Variants in CDCA5 observed in about 807,000 individuals in gnomAD.
The protein encoded by CDCA5 is cell division cycle associated 5.
Under a neutral mutation model 25.7 loss-of-function variants are expected in CDCA5, and 14 were observed. The observed-to-expected ratio is 0.54, with a 90% CI of 0.36 to 0.85. The LOEUF (loss-of-function observed/expected upper bound fraction) is 0.85. CDCA5 is among the 40% of genes least tolerant of loss of function. The pLI is 0.01. For missense variants in CDCA5, 307 were observed against 324.5 expected (o/e 0.95, Z 0.41); for synonymous variants, 127 against 128.7 (o/e 0.99, Z 0.09).
At chr11:65,079,981 C>A (rs1182051437) in intron 4 of CDCA5, among the ~76,000 whole-genome samples, 194 bp from the exon 5 acceptor site, 1 of 151,758 alleles carries the variant, frequency 6.6e-6, no homozygotes, top group South Asian at 2.1e-4. Flanking sequence ...AGCTCCGCCT[C>A]CCGGGTTCAC....
intron 4 of CDCA5, among the ~76,000 whole-genome samples, chr11:65,080,438 G>A (rs537822783): frequency 2.1e-4 from 32 of 152,048 alleles, no homozygotes; most frequent in Admixed American, 2.1e-3. Flanking sequence ...CCAGATAAAC[G>A]GTCTCAACTC....
chr11:65,081,113 A>T (rs1381093198), intron 4 of CDCA5, among the ~76,000 whole-genome samples: 6 of 152,132 alleles, frequency 3.9e-5, no homozygotes, highest in African/African-American at 1.2e-4. Flanking sequence ...AGAGGAAGAA[A>T]CTGAAGATGA....
In CDCA5 at chr11:65,068,586, G is replaced by A; in HGVS notation, c.79C>T (p.Gln27Ter). 7.8e-7 allele frequency: 1 copy of A among 1,289,202 alleles called. No homozygotes were observed. The highest frequency in any genetic ancestry group is 1.0e-6 in the Non-Finnish European group (1 of 988,718). 79.9% of individuals were successfully genotyped at this position (1,289,202 alleles called of 1,614,324 possible). ...TTGGCCAGCTTGGAGTGGGCTCTTT[G>A]TCTGCCCCTAAGAGACTGAGAGAGA... The change falls in exon 2 of 7, where the codon CAA becomes TAA. Residue 27 changes from glutamine to a stop codon, truncating the protein, a stop_gained. Transcript: ENST00000525464. LOFTEE classifies it high-confidence loss of function.
At chr11:65,061,469 G>T (rs1947185405), downstream of CDCA5, among the ~76,000 whole-genome samples, 2 of 152,096 alleles carry the variant, frequency 1.3e-5, no homozygotes, top group African/African-American at 4.8e-5. Context: ...CTAGGTTTTG[G>T]AGTGATTATA....
rs1310542454 is a variant in CDCA5, at chr11:65,066,731, C to A, written c.436-52G>T. The A allele has an allele frequency of 3.9e-6, 5 of 1,287,462 alleles. No individual in the cohort carries two copies. The Admixed American group carries it at 9.2e-5, about 24-fold the overall frequency. The allele number at this position is 1,287,462 out of a possible 1,614,324, so 79.8% of individuals were successfully genotyped here. A position where few individuals can be genotyped will look rare whatever the true frequency, so the allele number is the denominator to read the frequency against. Reference sequence around the variant, plus strand: ...GTGGGTAGCCAGCCATGCAGGACAACCCGAAGCCCCTCTAGGAGAGCTGGG... The same window carrying A: ...GTGGGTAGCCAGCCATGCAGGACAAACCGAAGCCCCTCTAGGAGAGCTGGG... On this transcript the variant is annotated intron_variant, in intron 5 of 6. Coordinates refer to the CDCA5 transcript ENST00000525464.
Position 65,077,851 on chromosome 11 carries a change from T to C in CDCA5, c.*1256A>G. On this transcript the variant is annotated 3_prime_UTR_variant, in exon 6 of 6. Transcript: ENST00000275517. The stretch of plus-strand genomic sequence containing the variant: ...TCATCTTCCCTGGCATTCTCTGTTA[T>C]CCACCAGCTCCTCTGCACACCTCAG... The C allele has an allele frequency of 1.0e-6, 1 of 985,828 alleles. No homozygotes were observed. The highest frequency in any genetic ancestry group is 1.2e-6 in the Non-Finnish European group (1 of 830,108). The allele number at this position is 985,828 out of a possible 1,614,324, so 61.1% of individuals were successfully genotyped here.
chr11:65,078,154 G>A lies in CDCA5; in HGVS notation c.*953C>T. On this transcript the variant is annotated 3_prime_UTR_variant, in exon 6 of 6. Coordinates refer to ENST00000275517, the MANE Select transcript of CDCA5 (RefSeq NM_080668.4). ...GACTTTACAAGCATAGTTGCAAAAT[G>A]CTAGTAGGTCTGGGACTCTTCAACT... is the stretch of plus-strand genomic sequence containing the variant. 1 of 985,462 alleles carries A rather than the reference G, an allele frequency of 1.0e-6. No individual in the cohort carries two copies. The highest frequency in any genetic ancestry group is 1.2e-6 in the Non-Finnish European group (1 of 829,950). 61.0% of individuals were successfully genotyped at this position (985,462 alleles called of 1,614,324 possible). A position where few individuals can be genotyped will look rare whatever the true frequency, so the allele number is the denominator to read the frequency against.
chr11:65,083,590 G>C, intron 2 of CDCA5, 39 bp downstream of exon 2: 1 of 1,614,202 alleles, frequency 6.2e-7, no homozygotes, highest in South Asian at 1.1e-5. Flanking sequence ...CATTAGGTGA[G>C]GGGCCACAAG....
chr11:65,075,592 T>G (rs1947429395), downstream of CDCA5, among the ~76,000 whole-genome samples: 3 of 151,086 alleles, frequency 2.0e-5, no homozygotes, highest in Non-Finnish European at 3.0e-5. Flanking sequence ...CCACATGGGG[T>G]GAAGGAAGAA....
chr11:65,062,213 C>T (rs1947192852), downstream of CDCA5, among the ~76,000 whole-genome samples: 1 of 152,166 alleles, frequency 6.6e-6, no homozygotes. Flanking sequence ...AGCCACCGTG[C>T]CCAGCCTGCA....
downstream of CDCA5, among the ~76,000 whole-genome samples, chr11:65,076,105 C>T (rs1402769220): frequency 2.0e-5 from 3 of 152,214 alleles, no homozygotes; most frequent in Admixed American, 2.0e-4. Flanking sequence ...AGATGCTGGT[C>T]GACTTTTGGT....
In CDCA5 at chr11:65,079,405, G is replaced by A; in HGVS notation, c.626C>T (p.Ser209Phe). 2 of 1,614,034 alleles carry A rather than the reference G, an allele frequency of 1.2e-6. No individual in the cohort carries two copies. Among genetic ancestry groups the A allele is most frequent in the Non-Finnish European group, 8.5e-7 (1 of 1,179,998 alleles). Reference protein sequence around the residue: ...WAPDMTLPGISPPPEKQKRKK... With the variant: ...WAPDMTLPGIFPPPEKQKRKK... The stretch of plus-strand genomic sequence containing the variant: ...ACGTTTCTGTTTCTCGGGTGGTGGG[G>A]AGATTCCAGGGAGAGTCATGTCTGG... Residue 209 changes from serine to phenylalanine, a missense_variant, in exon 5 of 6, where the codon TCC becomes TTC. Coordinates refer to ENST00000275517, the MANE Select transcript of CDCA5 (RefSeq NM_080668.4).
At position 65,078,051 on chromosome 11, in the gene CDCA5, G is replaced by T; in HGVS notation, c.*1056C>A. 4 of 985,428 alleles carry T rather than the reference G, an allele frequency of 4.1e-6. No homozygotes were observed. Among genetic ancestry groups the T allele is most frequent in the Non-Finnish European group, 4.8e-6 (4 of 829,942 alleles). 61.0% of individuals were successfully genotyped at this position (985,428 alleles called of 1,614,324 possible). ...AGATGCATCCAGGCAGTGTTCTCAT[G>T]TGAGAGGATAGGGAGGCCAAAAACT... On this transcript the variant is annotated 3_prime_UTR_variant, in exon 6 of 6. Coordinates refer to ENST00000275517, the MANE Select transcript of CDCA5 (RefSeq NM_080668.4).
At chr11:65,071,507 G>A (rs1590789064) in intron 1 of CDCA5, among the ~76,000 whole-genome samples, 1 of 151,780 alleles carries the variant, frequency 6.6e-6, no homozygotes, top group Non-Finnish European at 1.5e-5. Flanking sequence ...TAGAGACGGG[G>A]TTTCACCATG....
At chr11:65,067,993 T>A in intron 3 of CDCA5, 2 of 306,404 alleles carry the variant, frequency 6.5e-6, no homozygotes, top group Non-Finnish European at 9.7e-6. Flanking sequence ...GCATGGGCAC[T>A]CTCTCTCTCT....
At chr11:65,066,337 C>A, downstream of CDCA5, 2 of 1,170,592 alleles carry the variant, frequency 1.7e-6, no homozygotes, top group Non-Finnish European at 2.1e-6. Context: ...TAGGGAGGAG[C>A]TGGCTGAAGG....
chr11:65,066,376 C>T, exon 7 of CDCA5: 1 of 1,189,656 alleles, frequency 8.4e-7, no homozygotes. Context: ...TGTCCGACCT[C>T]TGGCCTGGGG....
At chr11:65,073,881 C>T (rs557415742), downstream of CDCA5, among the ~76,000 whole-genome samples, 1 of 152,262 alleles carries the variant, frequency 6.6e-6, no homozygotes, top group East Asian at 1.9e-4. Flanking sequence ...GCTGGACAGG[C>T]GGTGCCTTCA....
intron 4 of CDCA5, among the ~76,000 whole-genome samples, chr11:65,081,270 C>CA (rs1019645779): frequency 7.9e-5 from 12 of 151,302 alleles, no homozygotes; most frequent in South Asian, 2.1e-4. Context: ...ACTGAAAATA[C>CA]AAAAAAAATT....
Sources: gnomAD v4.1 joint callset for allele counts (sites outside exome capture counted in the v4.1 genomes callset) on GRCh38, gnomAD v4.1.1 for gene constraint, MANE v1.5 for transcripts, NCBI Gene and HGNC (gene_info 2026-07-23, HGNC 2026-07-21) for gene names.